The following STIM1 variants were observed in gnomAD, a reference collection of about 807,000 sequenced individuals.
STIM1 encodes the protein stromal interaction molecule 1.
A neutral mutation model predicts 74.7 loss-of-function variants in STIM1; 25 were observed. The ratio of observed to expected loss-of-function variants is 0.33; its 90% CI spans 0.24 to 0.47. The LOEUF is 0.47. STIM1 is among the 20% of genes least tolerant of loss of function. STIM1 has a pLI of 1.00. For missense variants in STIM1, 728 were observed against 920.8 expected (o/e 0.79, Z 2.71); for synonymous variants, 328 against 348.8 (o/e 0.94, Z 0.66).
At chr11:3,987,770 T>C (rs1387508885) in intron 2 of STIM1, among the ~76,000 whole-genome samples, 1 of 151,326 alleles carries the variant, frequency 6.6e-6, no homozygotes, top group African/African-American at 2.4e-5. Flanking sequence ...TCTTGTGTAG[T>C]ACAATACTCT....
At position 4,082,921 on chromosome 11, in the gene STIM1, A is replaced by G; in HGVS notation, c.1177A>G (p.Thr393Ala). ...AAAGAAGAGAAACACACTCTTTGGCACCTTCCACGTGGCCCACAGCTCTTC... is the reference window on the plus strand; with the variant it reads ...AAAGAAGAGAAACACACTCTTTGGCGCCTTCCACGTGGCCCACAGCTCTTC... ...IKKKRNTLFG[T>A]FHVAHSSSLD... Residue 393 changes from threonine (T) to alanine (A), a missense_variant, in exon 9 of 13, where the codon ACC (threonine) becomes GCC (alanine). Physicochemically the swap from Thr to Ala is moderately conservative, Grantham distance 58. Coordinates refer to ENST00000526596, the MANE Select transcript of STIM1 (RefSeq NM_001382567.1). 4 of 1,614,148 alleles carry G rather than the reference A, an allele frequency of 2.5e-6. No individual in the cohort carries two copies. The highest frequency in any genetic ancestry group is 2.5e-6 in the Non-Finnish European group (3 of 1,180,022).
In STIM1 at chr11:3,895,774, T is replaced by G. The variant is rs930125126; in HGVS notation, c.139+39365T>G. ...TTCCTTCCTTCCTTCCTTCCTTCCT[T>G]CCTTCCTTCCTTCCTTCCTTCCTTC... On this transcript the variant is annotated intron_variant, in intron 1 of 12. Transcript: ENST00000526596. Among the ~76,000 whole-genome samples, 14 of 87,644 alleles carry G rather than the reference T, an allele frequency of 1.6e-4. 2 individuals carry two copies. Among genetic ancestry groups the G allele is most frequent in the Admixed American group, 8.8e-4 (7 of 7,976 alleles). The allele number at this position is 87,644 out of a possible 152,430, so 57.5% of individuals were successfully genotyped here. A position where few individuals can be genotyped will look rare whatever the true frequency, so the allele number is the denominator to read the frequency against.
At chr11:3,925,755 A>G (rs1044190811) in intron 1 of STIM1, among the ~76,000 whole-genome samples, 1 of 152,218 alleles carries the variant, frequency 6.6e-6, no homozygotes, top group Non-Finnish European at 1.5e-5. Context: ...TAACAATGTA[A>G]TGTAATTGTG....
chr11:3,986,138 G>T (rs1045311642), intron 2 of STIM1, among the ~76,000 whole-genome samples: 1 of 152,024 alleles, frequency 6.6e-6, no homozygotes, highest in Admixed American at 6.6e-5. Context: ...TACCTAGAAA[G>T]GTCTCACATA....
chr11:3,963,394 C>A (rs925034407), intron 1 of STIM1, among the ~76,000 whole-genome samples: 2 of 152,192 alleles, frequency 1.3e-5, no homozygotes, highest in Admixed American at 6.5e-5. Context: ...CATCTCCATT[C>A]ATGTCCCTGC....
intron 2 of STIM1, among the ~76,000 whole-genome samples, chr11:4,002,217 C>G (rs1181274315): frequency 2.0e-5 from 3 of 150,880 alleles, no homozygotes; most frequent in Non-Finnish European, 4.4e-5. Flanking sequence ...GAATTGAACT[C>G]AGCTCTGCAC....
chr11:3,981,757 CAT>C (rs2093507379), intron 2 of STIM1, among the ~76,000 whole-genome samples: 1 of 152,142 alleles, frequency 6.6e-6, no homozygotes, highest in Non-Finnish European at 1.5e-5. Context: ...TGTTATGAAT[CAT>C]GTGCAGAATC....
chr11:3,905,442 T>C (rs766075425), intron 1 of STIM1, among the ~76,000 whole-genome samples: 10 of 151,676 alleles, frequency 6.6e-5, no homozygotes, highest in Non-Finnish European at 1.3e-4. Context: ...GAGAAGAGAT[T>C]GAGAAATGTA....
rs186425559 is a variant in STIM1, at chr11:3,927,088, A to G, written c.140-40464A>G. ...AAGTGCTTGGCATACTATCTAGCAC[A>G]TATGAAGAGCTCAATGAATGTTAAT... is the stretch of plus-strand genomic sequence containing the variant. On this transcript the variant is annotated intron_variant, in intron 1 of 12. Coordinates refer to ENST00000526596, the MANE Select transcript of STIM1 (RefSeq NM_001382567.1). Among the ~76,000 whole-genome samples the G allele has an allele frequency of 1.6e-3, 240 of 152,384 alleles. 4 individuals are homozygous for G. In the Middle Eastern group the frequency reaches 0.02, roughly 13 times the overall value.
At chr11:4,079,608 C>T (rs182797517) in intron 7 of STIM1, among the ~76,000 whole-genome samples, 228 of 152,098 alleles carry the variant, frequency 1.5e-3, no homozygotes, top group Non-Finnish European at 2.6e-3. Context: ...CTATATCAAA[C>T]CCCTTAGATG....
intron 3 of STIM1, 25 bp from the exon 4 acceptor site, chr11:4,055,501 T>C: frequency 6.5e-7 from 1 of 1,539,848 alleles, no homozygotes. Context: ...TCTAGAGTCA[T>C]GGCTTTGCTT....
intron 9 of STIM1, 28 bp downstream of exon 9, chr11:4,083,010 C>A (rs200343814): frequency 2.5e-6 from 4 of 1,579,040 alleles, no homozygotes; most frequent in Admixed American, 3.3e-5. Context: ...TCTACTCTGG[C>A]AATGTCCATA....
chr11:3,949,911 A>T lies in STIM1; in HGVS notation c.140-17641A>T, dbSNP rs1025400075. 5.7e-4 allele frequency among the ~76,000 whole-genome samples: 86 copies of T among 151,952 alleles called. 1 individual carries two copies. Among genetic ancestry groups the T allele is most frequent in the Non-Finnish European group, 1.0e-4 (7 of 68,004 alleles). Reference sequence around the variant, plus strand: ...AAAGTTCTATTCCAACACCACAAAGATCCTTCCTATTCTTTTATAACCACT... The same window carrying T: ...AAAGTTCTATTCCAACACCACAAAGTTCCTTCCTATTCTTTTATAACCACT... On this transcript the variant is annotated intron_variant, in intron 1 of 12. Coordinates refer to ENST00000526596, the MANE Select transcript of STIM1 (RefSeq NM_001382567.1).
chr11:4,083,640 C>G (rs1013717500), intron 10 of STIM1, 142 bp downstream of exon 10: 10 of 774,742 alleles, frequency 1.3e-5, no homozygotes, highest in Non-Finnish European at 1.9e-5. Context: ...CAATAAAGCA[C>G]AATTTACTCA....
chr11:4,087,093 T>C (rs187295954), intron 12 of STIM1, among the ~76,000 whole-genome samples: 197 of 152,308 alleles, frequency 1.3e-3, no homozygotes, highest in African/African-American at 4.5e-3. Flanking sequence ...TCTTCCCTCA[T>C]GACCCTATAG....
At chr11:3,892,909 G>GGCA in intron 1 of STIM1, 1 of 1,319,504 alleles carries the variant, frequency 7.6e-7, no homozygotes, top group South Asian at 1.2e-5. Context: ...CGGGGCTCCC[G>GGCA]GCAGCAGCAG....
chr11:3,909,809 A>G (rs999873737), intron 1 of STIM1, among the ~76,000 whole-genome samples: 7 of 143,656 alleles, frequency 4.9e-5, no homozygotes, highest in East Asian at 2.0e-4. Flanking sequence ...AAAAAAAAAG[A>G]AAAAAAAAGT....
chr11:4,066,166 T>A (rs894859803), intron 5 of STIM1, among the ~76,000 whole-genome samples: 4 of 152,172 alleles, frequency 2.6e-5, no homozygotes, highest in African/African-American at 9.7e-5. Flanking sequence ...GTTCCCCCAG[T>A]CCCAGCCAGC....
At position 4,070,331 on chromosome 11, in the gene STIM1, C is replaced by T. The variant is rs950757912; in HGVS notation, c.791+128C>T. 2.5e-5 allele frequency: 26 copies of T among 1,050,768 alleles called. 1 individual carries two copies. Among genetic ancestry groups the T allele is most frequent in the Non-Finnish European group, 3.5e-5 (24 of 690,506 alleles). The allele number at this position is 1,050,768 out of a possible 1,614,324, so 65.1% of individuals were successfully genotyped here. A position where few individuals can be genotyped will look rare whatever the true frequency, so the allele number is the denominator to read the frequency against. On this transcript the variant is annotated intron_variant, in intron 6 of 12. Transcript: ENST00000526596. ...TGGCAGCCCAGGCTGCATCATCCTT[C>T]CAAAACTGCATTGCAAGTTTAGGTT...
Sources: gnomAD v4.1 joint callset for allele counts (sites outside exome capture counted in the v4.1 genomes callset) on GRCh38, gnomAD v4.1.1 for gene constraint, MANE v1.5 for transcripts, NCBI Gene and HGNC (gene_info 2026-07-23, HGNC 2026-07-21) for gene names.